The following PLEKHG1 variants were observed in gnomAD, a reference collection of about 807,000 sequenced individuals.
PLEKHG1 encodes the protein pleckstrin homology domain-containing family G member 1.
In PLEKHG1, 44 loss-of-function variants were observed where a neutral mutation model predicts 100.8. The ratio of observed to expected loss-of-function variants is 0.44; its 90% CI spans 0.34 to 0.56. The LOEUF (loss-of-function observed/expected upper bound fraction) is 0.56. Among genes scored for constraint, PLEKHG1 ranks in the 20% least tolerant of loss-of-function variants. The probability of loss-of-function intolerance (pLI) is 0.01; values close to 1 mark genes in which losing one functional copy is unlikely to be tolerated. For synonymous variants in PLEKHG1, 640 were observed against 662.5 expected, an observed-to-expected ratio of 0.97 and a Z score of 0.52; for missense variants, 1,545 against 1,720.9, an observed-to-expected ratio of 0.90 and a Z score of 1.81.
chr6:150,830,511 G>A, intron 14 of PLEKHG1, 71 bp from the exon 16 acceptor site: 7 of 1,144,826 alleles, frequency 6.1e-6, no homozygotes, highest in Non-Finnish European at 8.8e-6. Flanking sequence ...TGTAAACACA[G>A]GAGAAATTCC....
intron 3 of PLEKHG1, among the ~76,000 whole-genome samples, chr6:150,667,238 T>C (rs1448243269): frequency 6.6e-6 from 1 of 152,194 alleles, no homozygotes; most frequent in East Asian, 1.9e-4. Flanking sequence ...TTCAAGTTTT[T>C]AGCATCCCTA....
At chr6:150,614,870 T>C (rs6940787) in intron 1 of PLEKHG1, among the ~76,000 whole-genome samples, 78 of 152,362 alleles carry the variant, frequency 5.1e-4, no homozygotes, top group African/African-American at 1.8e-3. Flanking sequence ...GAAACACTTA[T>C]ATATTCTCTT....
rs140783455 is a variant in PLEKHG1, at chr6:150,740,680, G to C, written c.411+6588G>C. 1.8e-3 allele frequency among the ~76,000 whole-genome samples: 277 copies of C among 152,308 alleles called. 2 individuals carry two copies. Among genetic ancestry groups the C allele is most frequent in the Non-Finnish European group, 3.1e-3 (210 of 68,020 alleles). On this transcript the variant is annotated intron_variant, in intron 2 of 15. Transcript: ENST00000358517. ...GTGGATTTAATAAGGAACTTACACT[G>C]TGGTACTTGGCATCATTTAATGTAC...
intron 10 of PLEKHG1, among the ~76,000 whole-genome samples, chr6:150,810,855 A>G (rs12530010): frequency 0.24 from 35,662 of 151,590 alleles, 4,582 homozygotes; most frequent in Non-Finnish European, 0.3. Flanking sequence ...CAGGAGGCGG[A>G]GGTTGCAGTA....
chr6:150,768,063 C>G lies in PLEKHG1; in HGVS notation c.412-575C>G, dbSNP rs114715244. Among the ~76,000 whole-genome samples the G allele has an allele frequency of 7.3e-3, 1,113 of 152,242 alleles. 10 individuals are homozygous for G. Among genetic ancestry groups the G allele is most frequent in the African/African-American group, 0.025 (1,056 of 41,538 alleles). On this transcript the variant is annotated intron_variant, in intron 2 of 15. Coordinates refer to ENST00000358517, the Ensembl canonical transcript of PLEKHG1. ...CAGCAGATCTGTTTGGGAGCTGTTT[C>G]TATGTTAAAACATACAAAATCAATT...
exon 16 of PLEKHG1, chr6:150,841,703 A>T (rs1394007357): frequency 6.6e-6 from 1 of 152,220 alleles, no homozygotes; most frequent in East Asian, 1.9e-4. Context: ...GAACCACTTA[A>T]CTCTTCAAAT....
At chr6:150,801,692 A>T (rs1035772066) in intron 6 of PLEKHG1, among the ~76,000 whole-genome samples, 4 of 151,902 alleles carry the variant, frequency 2.6e-5, no homozygotes. Context: ...CTCCTGCCTG[A>T]GCCTCCCAAA....
At position 150,644,334 on chromosome 6, in the gene PLEKHG1, G is replaced by GTTTTTT. The variant is rs57840463; in HGVS notation, c.-158+6222_-158+6227dup. Among the ~76,000 whole-genome samples, 43 of 117,588 alleles carry GTTTTTT rather than the reference G, an allele frequency of 3.7e-4. 1 individual carries two copies. The highest frequency in any genetic ancestry group is 9.4e-4 in the African/African-American group (27 of 28,616). 77.1% of individuals were successfully genotyped at this position (117,588 alleles called of 152,430 possible). A position where few individuals can be genotyped will look rare whatever the true frequency, so the allele number is the denominator to read the frequency against. ...AAGAGAGTGGTTTTTTTCTTTTCGT[G>GTTTTTT]TTTTTTTTTTTTTTTTTTGTTACAG... On this transcript the variant is annotated intron_variant, in intron 2 of 3. Coordinates refer to the PLEKHG1 transcript ENST00000367326.
chr6:150,831,661 A>C lies in PLEKHG1; in HGVS notation c.2550A>C (p.Glu850Asp). 6.2e-7 allele frequency: 1 copy of C among 1,613,238 alleles called. No individual in the cohort carries two copies. The highest frequency in any genetic ancestry group is 8.5e-7 in the Non-Finnish European group (1 of 1,180,038). ...TGGAAAATTACATCAAGAAAAATGA[A>C]GACAAGGCCAGAGACCGTCTCCTGG... Residue 850 changes from glutamate (E) to aspartate (D), a missense_variant, in exon 15 of 16, where the codon GAA (glutamate) becomes GAC (aspartate). Coordinates refer to ENST00000358517, the Ensembl canonical transcript of PLEKHG1. This position sits in a 1 kb window ranked among gnomAD's most constrained non-coding sequence, Gnocchi z 4.1.
intron 2 of PLEKHG1, among the ~76,000 whole-genome samples, chr6:150,643,647 G>A (rs1018861478): frequency 6.6e-6 from 1 of 152,206 alleles, no homozygotes; most frequent in Admixed American, 6.5e-5. Flanking sequence ...ACTGCTTGAT[G>A]TATGTAGCTT....
intron 10 of PLEKHG1, among the ~76,000 whole-genome samples, chr6:150,813,305 A>AG (rs1483236769): frequency 7.5e-4 from 16 of 21,416 alleles, no homozygotes; most frequent in East Asian, 1.9e-3. Flanking sequence ...ACTCTGTCTC[A>AG]AAAAAAAAAA....
At position 150,606,254 on chromosome 6, in the gene PLEKHG1, C is replaced by T. The variant is rs573819624; in HGVS notation, c.-204+6237C>T. On this transcript the variant is annotated intron_variant, in intron 1 of 3. Coordinates refer to the PLEKHG1 transcript ENST00000367326. ...GCAGCCGGATAATTCCTTTTGGCAG[C>T]TGTCTGCAGAGATGTGTGAAACCTT... Among the ~76,000 whole-genome samples the T allele has an allele frequency of 1.1e-4, 16 of 152,318 alleles. No homozygotes were observed. In the South Asian group the frequency reaches 3.3e-3, roughly 32 times the overall value.
chr6:150,678,037 A>G (rs1383996225), intron 3 of PLEKHG1, among the ~76,000 whole-genome samples: 1 of 137,100 alleles, frequency 7.3e-6, no homozygotes, highest in Non-Finnish European at 1.6e-5. Flanking sequence ...GTATATATTT[A>G]TGGGATACAA....
At chr6:150,726,974 A>G (rs1461086601) in intron 1 of PLEKHG1, among the ~76,000 whole-genome samples, 1 of 152,244 alleles carries the variant, frequency 6.6e-6, no homozygotes, top group Non-Finnish European at 1.5e-5. Context: ...TTGAGGCTCT[A>G]ACAAAACTGC....
intron 1 of PLEKHG1, among the ~76,000 whole-genome samples, chr6:150,631,049 G>A (rs1283922314): frequency 6.6e-6 from 1 of 152,152 alleles, no homozygotes; most frequent in African/African-American, 2.4e-5. Flanking sequence ...TCTTAGAAGG[G>A]AATGCTAAAG....
chr6:150,817,326 A>T (rs1049946511), intron 10 of PLEKHG1, among the ~76,000 whole-genome samples: 1 of 152,154 alleles, frequency 6.6e-6, no homozygotes, highest in Non-Finnish European at 1.5e-5. Flanking sequence ...CACAGAAGAG[A>T]TGGGAGGTGC....
At chr6:150,751,448 A>AT (rs1783506843) in intron 2 of PLEKHG1, among the ~76,000 whole-genome samples, 1 of 152,202 alleles carries the variant, frequency 6.6e-6, no homozygotes, top group Non-Finnish European at 1.5e-5. Context: ...TTCAAGAAGC[A>AT]TAAGTCTACT....
intron 3 of PLEKHG1, among the ~76,000 whole-genome samples, chr6:150,654,155 G>A (rs764354932): frequency 4.6e-5 from 7 of 152,192 alleles, no homozygotes; most frequent in South Asian, 2.1e-4. Flanking sequence ...AGGACTGCCC[G>A]GGCGGCAGAA....
At chr6:150,749,050 G>A (rs894192975) in intron 2 of PLEKHG1, among the ~76,000 whole-genome samples, 4 of 152,042 alleles carry the variant, frequency 2.6e-5, no homozygotes, top group Admixed American at 1.3e-4. Flanking sequence ...GATTAGCACC[G>A]ACCTGGCATA....
Sources: gnomAD v4.1 joint callset for allele counts (sites outside exome capture counted in the v4.1 genomes callset) on GRCh38, gnomAD v4.1.1 for gene constraint, Gnocchi (gnomAD v3.1) non-coding constraint, MANE v1.5 for transcripts, NCBI Gene and HGNC (gene_info 2026-07-23, HGNC 2026-07-21) for gene names.